Variants in EFCC1 observed in about 807,000 individuals in gnomAD.
EFCC1 encodes EF-hand and coiled-coil domain containing 1.
EFCC1 carries 50 observed loss-of-function variants against 52.1 expected under a neutral mutation model. That is an observed-to-expected ratio of 0.96 (90% CI 0.76 to 1.21). The LOEUF (loss-of-function observed/expected upper bound fraction) is 1.21, where lower values mean the gene tolerates loss of function less well. Ranked by LOEUF, EFCC1 falls within the 50% of genes most tolerant of loss-of-function variation. The probability of loss-of-function intolerance (pLI) is 0.00; values close to 1 mark genes in which losing one functional copy is unlikely to be tolerated. For missense variants in EFCC1, 837 were observed against 867.3 expected (o/e 0.97, Z 0.44); for synonymous variants, 399 against 396.5 (o/e 1.01, Z -0.08).
intron 3 of EFCC1, among the ~76,000 whole-genome samples, chr3:129,032,177 G>T (rs973977903): frequency 6.6e-6 from 1 of 152,148 alleles, no homozygotes; most frequent in Admixed American, 6.6e-5. Context: ...AACATTAGAC[G>T]CCTGTAGTTC....
chr3:129,036,913 A>T (rs1382334580), intron 5 of EFCC1, 64 bp from the exon 6 acceptor site: 3 of 1,610,072 alleles, frequency 1.9e-6, no homozygotes, highest in Non-Finnish European at 2.5e-6. Context: ...GGAGTAGTTG[A>T]TCCTGCCACC....
At chr3:129,034,649 G>A (rs964497592) in intron 5 of EFCC1, among the ~76,000 whole-genome samples, 2 of 152,148 alleles carry the variant, frequency 1.3e-5, no homozygotes, top group African/African-American at 4.8e-5. Flanking sequence ...TTTTCTGTAG[G>A]AGGTGGCCTC....
At chr3:129,011,413 T>C (rs1945321446) in intron 2 of EFCC1, among the ~76,000 whole-genome samples, 1 of 152,028 alleles carries the variant, frequency 6.6e-6, no homozygotes, top group Non-Finnish European at 1.5e-5. Flanking sequence ...TAGCCAGGTG[T>C]CCTGGCACGT....
rs1489551751 is a variant in EFCC1, at chr3:129,002,248, A to C, written c.620A>C (p.Asn207Thr). The C allele has an allele frequency of 2.6e-6, 4 of 1,531,444 alleles. No individual in the cohort carries two copies. The Admixed American group carries it at 7.9e-5, about 30-fold the overall frequency. 94.9% of individuals were successfully genotyped at this position (1,531,444 alleles called of 1,614,324 possible). ...CGCGTTGCGCGGCTGGAGGAGGAGA[A>C]TAGCAGCTTGCGCGAGTTGGTGGAG... ...CERVARLEEE[N>T]SSLRELVEDL... The change falls in exon 1 of 8, where the codon AAT (asparagine) becomes ACT (threonine). Residue 207 changes from asparagine to threonine, a missense_variant. By Grantham distance (65) the Asn-to-Thr change is moderately conservative. Transcript: ENST00000683648.
chr3:129,026,142 A>T (rs1946097692), intron 2 of EFCC1, among the ~76,000 whole-genome samples: 1 of 152,232 alleles, frequency 6.6e-6, no homozygotes, highest in Non-Finnish European at 1.5e-5. Flanking sequence ...CTTTCAGAAC[A>T]TTCTGAAGGG....
intron 2 of EFCC1, among the ~76,000 whole-genome samples, chr3:129,029,063 C>T (rs923103852): frequency 3.9e-5 from 6 of 152,282 alleles, no homozygotes; most frequent in East Asian, 1.9e-4. Context: ...GCCACAGCCC[C>T]GCATCAGTGG....
At chr3:129,020,939 G>A (rs1279768168) in intron 2 of EFCC1, among the ~76,000 whole-genome samples, 2 of 152,216 alleles carry the variant, frequency 1.3e-5, no homozygotes. Context: ...GTCCCAGGGT[G>A]AGGCTGCCGT....
intron 5 of EFCC1, 59 bp from the exon 6 acceptor site, chr3:129,036,918 G>A: frequency 6.2e-7 from 1 of 1,610,446 alleles, no homozygotes; most frequent in Non-Finnish European, 8.5e-7. Flanking sequence ...AGTTGATCCT[G>A]CCACCTGGAA....
In EFCC1 at chr3:129,001,688, C is replaced by T; in HGVS notation, c.60C>T (p.Tyr20=). The T allele has an allele frequency of 6.7e-7, 1 of 1,487,108 alleles. No homozygotes were observed. The highest frequency in any genetic ancestry group is 8.9e-7 in the Non-Finnish European group (1 of 1,121,410). 92.1% of individuals were successfully genotyped at this position (1,487,108 alleles called of 1,614,324 possible). Residue 20 remains tyrosine, a synonymous_variant, in exon 1 of 8, where the codon TAC becomes TAT. Transcript: ENST00000683648. ...TGGAGGGCGCGGGAGGTGACCCGTACCGGCGACCTGCGCGGCGCACGCAGT... is the reference window on the plus strand; with the variant it reads ...TGGAGGGCGCGGGAGGTGACCCGTATCGGCGACCTGCGCGGCGCACGCAGT... ...AGMEGAGGDP[Y]RRPARRTQWL...
At chr3:129,012,293 G>T (rs1208643527) in intron 2 of EFCC1, among the ~76,000 whole-genome samples, 1 of 152,188 alleles carries the variant, frequency 6.6e-6, no homozygotes, top group Non-Finnish European at 1.5e-5. Flanking sequence ...TTAGAATGAT[G>T]CCTGGCACAT....
At chr3:129,029,648 C>T (rs1344145847) in intron 2 of EFCC1, among the ~76,000 whole-genome samples, 2 of 146,254 alleles carry the variant, frequency 1.4e-5, no homozygotes, top group African/African-American at 2.6e-5. Context: ...TAGATCTCGG[C>T]TCACTGCAGC....
intron 5 of EFCC1, among the ~76,000 whole-genome samples, chr3:129,035,366 G>A (rs906716428): frequency 8.5e-5 from 13 of 152,224 alleles, no homozygotes; most frequent in Admixed American, 1.3e-4. Flanking sequence ...GGGAGCCCAT[G>A]CCGCATCCAC....
At chr3:129,028,210 A>G (rs989143823) in intron 2 of EFCC1, among the ~76,000 whole-genome samples, 28 of 151,556 alleles carry the variant, frequency 1.8e-4, no homozygotes, top group Non-Finnish European at 2.9e-5. Context: ...CAGCCTCCTG[A>G]GTAGCTGGGA....
intron 1 of EFCC1, 66 bp downstream of exon 1, chr3:129,002,390 G>T: frequency 6.8e-7 from 1 of 1,472,758 alleles, no homozygotes; most frequent in Non-Finnish European, 9.0e-7. Flanking sequence ...AAGCTGGCTG[G>T]CTGCGGAGCC....
At position 129,022,019 on chromosome 3, in the gene EFCC1, C is replaced by T. The variant is rs117592241; in HGVS notation, c.981-8684C>T. 1.3e-3 allele frequency among the ~76,000 whole-genome samples: 197 copies of T among 152,250 alleles called. 1 individual carries two copies. The highest frequency in any genetic ancestry group is 0.012 in the East Asian group (63 of 5,178). On this transcript the variant is annotated intron_variant, in intron 2 of 7. Coordinates refer to ENST00000683648, the MANE Select transcript of EFCC1 (RefSeq NM_001377500.1). Reference sequence around the variant, plus strand: ...CTCTGCTGTGAGGGGCAGAGGTGGCCGGGGCAGGCGCAGAGCTCTGCTCTC... The same window carrying T: ...CTCTGCTGTGAGGGGCAGAGGTGGCTGGGGCAGGCGCAGAGCTCTGCTCTC...
intron 2 of EFCC1, among the ~76,000 whole-genome samples, chr3:129,024,909 CGAAGA>C (rs1946037421): frequency 3.3e-5 from 5 of 152,038 alleles, no homozygotes; most frequent in Admixed American, 3.3e-4. Flanking sequence ...GGTGGGAGAA[CGAAGA>C]ACCAGGAGGA....
intron 3 of EFCC1, 93 bp from the exon 4 acceptor site, chr3:129,032,726 C>T: frequency 6.8e-7 from 1 of 1,469,166 alleles, no homozygotes; most frequent in South Asian, 1.4e-5. Context: ...CACAAGAGCC[C>T]TCCCCTGGGG....
chr3:129,020,926 G>A (rs550335167), intron 2 of EFCC1, among the ~76,000 whole-genome samples: 37 of 152,322 alleles, frequency 2.4e-4, no homozygotes, highest in East Asian at 1.2e-3. Flanking sequence ...TGGGCACCTC[G>A]TAGTCCCAGG....
At chr3:129,036,207 T>G (rs1461693457) in intron 5 of EFCC1, among the ~76,000 whole-genome samples, 1 of 152,246 alleles carries the variant, frequency 6.6e-6, no homozygotes, top group Non-Finnish European at 1.5e-5. Flanking sequence ...AAACAGGGCT[T>G]GGAGGATCCT....
Sources: gnomAD v4.1 joint callset for allele counts (sites outside exome capture counted in the v4.1 genomes callset) on GRCh38, gnomAD v4.1.1 for gene constraint, MANE v1.5 for transcripts, NCBI Gene and HGNC (gene_info 2026-07-23, HGNC 2026-07-21) for gene names.